Variants in FHIT observed in about 807,000 individuals in gnomAD.
FHIT encodes the protein fragile histidine triad diadenosine triphosphatase.
FHIT carries 19 observed loss-of-function variants against 17.9 expected under a neutral mutation model. The ratio of observed to expected loss-of-function variants is 1.06; its 90% confidence interval spans 0.74 to 1.56. The LOEUF is 1.56. FHIT is among the 40% of genes most tolerant of loss of function. The probability of loss-of-function intolerance (pLI) is 0.00; values close to 1 mark genes in which losing one functional copy is unlikely to be tolerated. For synonymous variants in FHIT, 81 were observed against 69.7 expected (o/e 1.16, Z -0.81); for missense variants, 248 against 189.2 (o/e 1.31, Z -1.82).
At chr3:60,391,861 T>C (rs772572115) in intron 5 of FHIT, among the ~76,000 whole-genome samples, 3 of 152,276 alleles carry the variant, frequency 2.0e-5, no homozygotes, top group East Asian at 3.9e-4. Context: ...CATTATTATA[T>C]GTATTAAAAT....
At chr3:60,601,104 T>C (rs370385958) in intron 4 of FHIT, among the ~76,000 whole-genome samples, 1 of 152,150 alleles carries the variant, frequency 6.6e-6, no homozygotes, top group Non-Finnish European at 1.5e-5. Flanking sequence ...GACAGAACCT[T>C]TGAAAGCCCA....
At chr3:60,539,342 C>G (rs907037519) in intron 4 of FHIT, among the ~76,000 whole-genome samples, 10 of 152,044 alleles carry the variant, frequency 6.6e-5, no homozygotes, top group Non-Finnish European at 1.0e-4. Flanking sequence ...TACACTGTTG[C>G]TGGGACTGTA....
At chr3:60,872,212 T>C (rs1553755175) in intron 3 of FHIT, among the ~76,000 whole-genome samples, 1 of 152,142 alleles carries the variant, frequency 6.6e-6, no homozygotes, top group Non-Finnish European at 1.5e-5. Flanking sequence ...GAGGAAATGC[T>C]TTCATTTCTT....
Position 60,373,376 on chromosome 3 carries a change from T to C in FHIT, c.103+163484A>G, listed in dbSNP as rs1443287312. 5.3e-5 allele frequency among the ~76,000 whole-genome samples: 8 copies of C among 152,264 alleles called. No individual in the cohort carries two copies. In the East Asian group the frequency reaches 1.5e-3, roughly 29 times the overall value. On this transcript the variant is annotated intron_variant, in intron 5 of 9. Transcript: ENST00000492590. ...TCTAGATAAATGAAACAGCATCAAA[T>C]GCGAAGGTTGCCACATTTGAGATGA...
intron 3 of FHIT, among the ~76,000 whole-genome samples, chr3:60,882,792 T>C (rs1468575962): frequency 2.0e-5 from 3 of 152,212 alleles, no homozygotes; most frequent in East Asian, 1.9e-4. Context: ...GCTTTTCTTC[T>C]AAGAACTAGA....
At chr3:60,845,408 AAG>A (rs1553746171) in intron 3 of FHIT, among the ~76,000 whole-genome samples, 1 of 152,122 alleles carries the variant, frequency 6.6e-6, no homozygotes, top group African/African-American at 2.4e-5. Context: ...GTAAATGATT[AAG>A]AGAGAGACAA....
intron 5 of FHIT, among the ~76,000 whole-genome samples, chr3:60,262,220 T>A (rs1355218877): frequency 6.6e-6 from 1 of 152,084 alleles, no homozygotes; most frequent in African/African-American, 2.4e-5. Context: ...AATGTCAAAG[T>A]ATAATTTTTA....
At chr3:61,008,573 G>C (rs528909538) in intron 3 of FHIT, among the ~76,000 whole-genome samples, 1 of 152,152 alleles carries the variant, frequency 6.6e-6, no homozygotes, top group Non-Finnish European at 1.5e-5. Flanking sequence ...CAGTTATTGG[G>C]TTGAGTCTAA....
At chr3:61,178,706 G>A (rs918032210) in intron 2 of FHIT, among the ~76,000 whole-genome samples, 1 of 152,000 alleles carries the variant, frequency 6.6e-6, no homozygotes. Flanking sequence ...AAACCTCAGG[G>A]AGTACATTTC....
intron 3 of FHIT, among the ~76,000 whole-genome samples, chr3:60,880,501 G>A (rs1205361575): frequency 6.6e-6 from 1 of 152,236 alleles, no homozygotes; most frequent in East Asian, 1.9e-4. Context: ...GGGAGTCCAA[G>A]GTGGGCAGAT....
chr3:61,028,661 ACT>A (rs2032858033), intron 3 of FHIT, among the ~76,000 whole-genome samples: 1 of 152,046 alleles, frequency 6.6e-6, no homozygotes, highest in Non-Finnish European at 1.5e-5. Flanking sequence ...GAGAATAGTA[ACT>A]CCTGACCCAG....
At chr3:60,048,204 T>A (rs1271309702) in intron 5 of FHIT, among the ~76,000 whole-genome samples, 1 of 152,098 alleles carries the variant, frequency 6.6e-6, no homozygotes, top group Non-Finnish European at 1.5e-5. Flanking sequence ...TGAGACAGAG[T>A]CTCACTCTGC....
intron 2 of FHIT, among the ~76,000 whole-genome samples, chr3:61,044,377 G>C (rs936902841): frequency 4.6e-5 from 7 of 152,138 alleles, no homozygotes; most frequent in African/African-American, 1.7e-4. Flanking sequence ...GGAAGAAAGG[G>C]TATCACTGAT....
rs536246173 is a variant in FHIT, at chr3:60,817,509, T to G, written c.-18+4410A>C. Among the ~76,000 whole-genome samples, 8 of 152,136 alleles carry G rather than the reference T, an allele frequency of 5.3e-5. 2 individuals carry two copies. In the South Asian group the frequency reaches 1.7e-3, roughly 32 times the overall value. On this transcript the variant is annotated intron_variant, in intron 4 of 9. Coordinates refer to ENST00000492590, the MANE Select transcript of FHIT (RefSeq NM_002012.4). ...TTTTGCTACACATAGAATTCTGGAT[T>G]AACAGTGTTTTGCTTTTTTTTTTAC...
chr3:60,262,626 A>G (rs1454438235), intron 5 of FHIT, among the ~76,000 whole-genome samples: 2 of 151,878 alleles, frequency 1.3e-5, no homozygotes, highest in Admixed American at 1.3e-4. Flanking sequence ...CCTCTAGCCA[A>G]TTTCCCACTC....
chr3:61,123,003 G>A (rs1471326309), intron 2 of FHIT, among the ~76,000 whole-genome samples: 1 of 152,180 alleles, frequency 6.6e-6, no homozygotes, highest in African/African-American at 2.4e-5. Context: ...CCATTACTGG[G>A]TATATACCCA....
At chr3:59,880,603 TC>T (rs1329780584) in intron 8 of FHIT, among the ~76,000 whole-genome samples, 3 of 152,066 alleles carry the variant, frequency 2.0e-5, no homozygotes, top group Non-Finnish European at 4.4e-5. Flanking sequence ...GTGCCTCAGG[TC>T]CCTCATTTGT....
chr3:60,172,684 A>T (rs145113170), intron 5 of FHIT, among the ~76,000 whole-genome samples: 1,832 of 152,158 alleles, frequency 0.012, 13 homozygotes, highest in Non-Finnish European at 0.02. Flanking sequence ...AGTGGAAAAA[A>T]CTTAGTATAT....
chr3:60,100,621 G>T (rs975753279), intron 5 of FHIT, among the ~76,000 whole-genome samples: 10 of 152,118 alleles, frequency 6.6e-5, no homozygotes, highest in Non-Finnish European at 1.2e-4. Context: ...CTCTGGTCTT[G>T]TATCAAAAAC....
Sources: gnomAD v4.1 joint callset for allele counts (sites outside exome capture counted in the v4.1 genomes callset) on GRCh38, gnomAD v4.1.1 for gene constraint, MANE v1.5 for transcripts, NCBI Gene and HGNC (gene_info 2026-07-23, HGNC 2026-07-21) for gene names.